Variants in SHOC1 observed in about 807,000 individuals in gnomAD.
SHOC1 encodes the protein protein shortage in chiasmata 1 ortholog.
A neutral mutation model predicts 179.2 loss-of-function variants in SHOC1; 136 were observed. The ratio of observed to expected loss-of-function variants is 0.76; its 90% CI spans 0.66 to 0.87. SHOC1 has a LOEUF of 0.87. Among genes scored for constraint, SHOC1 ranks in the 40% least tolerant of loss-of-function variants. The probability of loss-of-function intolerance (pLI) is 0.00; values close to 1 mark genes in which losing one functional copy is unlikely to be tolerated. For missense variants in SHOC1, 1,538 were observed against 1,700.8 expected, an observed-to-expected ratio of 0.90 and a Z score of 1.68; for synonymous variants, 489 against 586.6, an observed-to-expected ratio of 0.83 and a Z score of 2.41.
intron 17 of SHOC1, 90 bp downstream of exon 17, chr9:111,714,343 GTATAGACTACTT>G: frequency 8.6e-7 from 1 of 1,162,678 alleles, no homozygotes; most frequent in Non-Finnish European, 1.2e-6. Flanking sequence ...GGACTAAGTA[GTATAGACTACTT>G]CATAATTTTA....
intron 27 of SHOC1, among the ~76,000 whole-genome samples, chr9:111,688,696 A>G (rs1831290488): frequency 6.6e-6 from 1 of 152,172 alleles, no homozygotes; most frequent in Non-Finnish European, 1.5e-5. Flanking sequence ...AAAATTTATA[A>G]TAGATCAATT....
intron 10 of SHOC1, among the ~76,000 whole-genome samples, chr9:111,745,294 T>C (rs1235966544): frequency 3.9e-5 from 6 of 152,226 alleles, no homozygotes; most frequent in African/African-American, 1.4e-4. Context: ...TAGATACTAT[T>C]ATTATCCCAG....
Position 111,700,019 on chromosome 9 carries a change from G to C in SHOC1, c.3118C>G (p.His1040Asp). 1 of 1,600,492 alleles carries C rather than the reference G, an allele frequency of 6.2e-7. No individual in the cohort carries two copies. The highest frequency in any genetic ancestry group is 8.5e-7 in the Non-Finnish European group (1 of 1,171,550). Residue 1040 changes from histidine to aspartate, a missense_variant, in exon 24 of 28, where the codon CAC becomes GAC. Transcript: ENST00000682961. The part of the protein sequence containing the change: ...EYLLTEKTLH[H>D]LALIYAALVS... ...AAAGCTGCATAAATCAGTGCTAGGTGATGAAGTGTCTTTTCTGTAAGCAGA... is the reference window on the plus strand; with the variant it reads ...AAAGCTGCATAAATCAGTGCTAGGTCATGAAGTGTCTTTTCTGTAAGCAGA...
At chr9:111,781,320 T>C (rs1836030054) in intron 3 of SHOC1, among the ~76,000 whole-genome samples, 1 of 152,182 alleles carries the variant, frequency 6.6e-6, no homozygotes, top group Non-Finnish European at 1.5e-5. Context: ...GCTCATGCTA[T>C]ACCTCATGAA....
chr9:111,697,345 C>T lies in SHOC1; in HGVS notation c.3183+2609G>A, dbSNP rs143707819. Among the ~76,000 whole-genome samples, 862 of 152,186 alleles carry T rather than the reference C, an allele frequency of 5.7e-3. 7 individuals carry two copies. Among genetic ancestry groups the T allele is most frequent in the African/African-American group, 0.02 (820 of 41,518 alleles). On this transcript the variant is annotated intron_variant, in intron 24 of 27. Transcript: ENST00000682961. ...TCCTAATGCTATCACTCCCACCTCC[C>T]GCCACCCCACGACAGGCCCCGGTGT...
intron 5 of SHOC1, among the ~76,000 whole-genome samples, chr9:111,775,234 A>T (rs2131616191): frequency 6.6e-6 from 1 of 152,180 alleles, no homozygotes; most frequent in African/African-American, 2.4e-5. Context: ...ACCTCAGGTG[A>T]TCTACCCACC....
intron 10 of SHOC1, among the ~76,000 whole-genome samples, chr9:111,742,118 A>C (rs1834072422): frequency 6.6e-6 from 1 of 152,082 alleles, no homozygotes; most frequent in African/African-American, 2.4e-5. Context: ...CTTGACTGTA[A>C]ATTACTCCCA....
At chr9:111,689,898 A>G (rs1280499627) in intron 27 of SHOC1, among the ~76,000 whole-genome samples, 1 of 152,182 alleles carries the variant, frequency 6.6e-6, no homozygotes, top group Admixed American at 6.5e-5. Context: ...GGGTCTTCTC[A>G]TTGGAAAATG....
intron 3 of SHOC1, among the ~76,000 whole-genome samples, chr9:111,781,307 A>G (rs140489874): frequency 1.8e-4 from 28 of 152,238 alleles, no homozygotes; most frequent in Admixed American, 7.8e-4. Flanking sequence ...GTCCCTTTCA[A>G]CTGCTCATGC....
intron 13 of SHOC1, among the ~76,000 whole-genome samples, chr9:111,724,417 G>A (rs12345832): frequency 0.19 from 29,358 of 151,790 alleles, 2,997 homozygotes; most frequent in Non-Finnish European, 0.22. Flanking sequence ...AGGGCTCACT[G>A]CAGCCTTGAC....
chr9:111,689,656 CAA>C (rs1831342387), intron 27 of SHOC1, among the ~76,000 whole-genome samples: 1 of 151,556 alleles, frequency 6.6e-6, no homozygotes, highest in Admixed American at 6.6e-5. Context: ...ATACTAGTAT[CAA>C]AGAGTCATGT....
At chr9:111,763,218 A>C (rs1835211776) in intron 5 of SHOC1, among the ~76,000 whole-genome samples, 1 of 152,026 alleles carries the variant, frequency 6.6e-6, no homozygotes, top group Admixed American at 6.6e-5. Context: ...TCAATAAATG[A>C]ACAATAGGAG....
At chr9:111,786,912 T>G (rs1172742134) in intron 2 of SHOC1, among the ~76,000 whole-genome samples, 2 of 152,228 alleles carry the variant, frequency 1.3e-5, no homozygotes, top group African/African-American at 4.8e-5. Context: ...GTTGGTGATT[T>G]TAAGTTGAAG....
At chr9:111,753,081 G>T (rs534641348) in intron 8 of SHOC1, among the ~76,000 whole-genome samples, 1 of 152,094 alleles carries the variant, frequency 6.6e-6, no homozygotes, top group African/African-American at 2.4e-5. Context: ...AACATGAACA[G>T]AGCTTCAGTG....
chr9:111,726,770 A>AAG (rs1833310986), intron 13 of SHOC1, among the ~76,000 whole-genome samples: 1 of 152,192 alleles, frequency 6.6e-6, no homozygotes, highest in African/African-American at 2.4e-5. Flanking sequence ...ATTCCTCAAC[A>AAG]ATGTTTCTAA....
rs1325808627 is a variant in SHOC1 at position 111,755,852 on chromosome 9, G to A, written c.862+473C>T. 2.6e-5 allele frequency among the ~76,000 whole-genome samples: 4 copies of A among 152,288 alleles called. No homozygotes were observed. In the South Asian group the frequency reaches 8.3e-4, roughly 32 times the overall value. On this transcript the variant is annotated intron_variant, in intron 8 of 27. Coordinates refer to ENST00000682961, the MANE Select transcript of SHOC1 (RefSeq NM_001378211.1). ...ACAAAGAGAATGACGGCTGGGTGCA[G>A]TGGCTCATGCCTACAATCTTAGCAC... is the stretch of plus-strand genomic sequence containing the variant.
intron 4 of SHOC1, among the ~76,000 whole-genome samples, chr9:111,777,712 A>G (rs1278596772): frequency 6.6e-6 from 1 of 152,202 alleles, no homozygotes; most frequent in Non-Finnish European, 1.5e-5. Flanking sequence ...CAACTTAGTT[A>G]TACATCCTAA....
intron 5 of SHOC1, among the ~76,000 whole-genome samples, chr9:111,767,439 G>A (rs533181872): frequency 6.6e-6 from 1 of 152,180 alleles, no homozygotes; most frequent in Non-Finnish European, 1.5e-5. Flanking sequence ...ACCATTTATT[G>A]AAGACTATCT....
chr9:111,765,855 A>G (rs1835333493), intron 5 of SHOC1, among the ~76,000 whole-genome samples: 1 of 151,974 alleles, frequency 6.6e-6, no homozygotes. Context: ...CTGGGATTAC[A>G]GGTGCACACC....
Sources: allele counts gnomAD v4.1 joint callset (sites outside exome capture counted in the v4.1 genomes callset), GRCh38; gene constraint gnomAD v4.1.1; transcripts MANE v1.5; gene names NCBI Gene and HGNC (gene_info 2026-07-23, HGNC 2026-07-21).